XKR4: variants seen among roughly 807,000 people sequenced by gnomAD.
XKR4 encodes the protein XK related 4.
Under a neutral mutation model 53.9 loss-of-function variants are expected in XKR4, and 12 were observed. The ratio of observed to expected loss-of-function variants is 0.22; its 90% CI spans 0.14 to 0.36. The LOEUF is 0.36. Among genes scored for constraint, XKR4 ranks in the 10% least tolerant of loss-of-function variants. XKR4 has a pLI of 1.00. For missense variants in XKR4, 799 were observed against 859.5 expected (o/e 0.93, Z 0.88); for synonymous variants, 354 against 362.4 (o/e 0.98, Z 0.26).
chr8:55,485,993 A>C (rs1007923531), intron 2 of XKR4, among the ~76,000 whole-genome samples: 1 of 152,246 alleles, frequency 6.6e-6, no homozygotes, highest in Non-Finnish European at 1.5e-5. Context: ...AAGAAACATA[A>C]AACATGAAAG....
intron 1 of XKR4, among the ~76,000 whole-genome samples, chr8:55,328,752 G>C (rs1361655063): frequency 2.6e-5 from 4 of 152,126 alleles, no homozygotes; most frequent in African/African-American, 9.7e-5. Context: ...TTAGCCCCTT[G>C]TGCTTGCACT....
chr8:55,351,073 T>C (rs1803716986), intron 1 of XKR4, among the ~76,000 whole-genome samples: 1 of 152,172 alleles, frequency 6.6e-6, no homozygotes, highest in African/African-American at 2.4e-5. Flanking sequence ...AACGGACTTC[T>C]GAAGATGGGT....
intron 1 of XKR4, among the ~76,000 whole-genome samples, chr8:55,157,696 C>T (rs1816927276): frequency 6.6e-6 from 1 of 152,010 alleles, no homozygotes; most frequent in Admixed American, 6.6e-5. Context: ...TCAAGTAGGC[C>T]CCAATGTCTG....
intron 1 of XKR4, among the ~76,000 whole-genome samples, chr8:55,126,094 A>G (rs1384123653): frequency 6.6e-6 from 1 of 152,190 alleles, no homozygotes; most frequent in Non-Finnish European, 1.5e-5. Flanking sequence ...ACTGAAAGCT[A>G]CAGAAATAAA....
chr8:55,454,564 G>A, intron 2 of XKR4: 3 of 1,441,440 alleles, frequency 2.1e-6, no homozygotes, highest in East Asian at 2.5e-5. Flanking sequence ...CAGGGAGTCG[G>A]CCAGTGGAGT....
chr8:55,428,709 T>C (rs1441599955), intron 2 of XKR4, among the ~76,000 whole-genome samples: 1 of 152,224 alleles, frequency 6.6e-6, no homozygotes, highest in East Asian at 1.9e-4. Flanking sequence ...TACTTCAGTG[T>C]AGAGTCAGCA....
intron 2 of XKR4, among the ~76,000 whole-genome samples, chr8:55,491,970 C>T (rs1806278717): frequency 6.6e-6 from 1 of 152,194 alleles, no homozygotes; most frequent in Non-Finnish European, 1.5e-5. Context: ...TTTCTCTTTG[C>T]ACCACTCCCT....
chr8:55,247,747 C>A (rs920452574), intron 1 of XKR4, among the ~76,000 whole-genome samples: 1 of 152,120 alleles, frequency 6.6e-6, no homozygotes, highest in African/African-American at 2.4e-5. Flanking sequence ...AGTGCTTTAT[C>A]CTTTCTCTTA....
At chr8:55,142,040 GC>G (rs1358960387) in intron 1 of XKR4, 2 of 454,698 alleles carry the variant, frequency 4.4e-6, no homozygotes, top group Non-Finnish European at 8.8e-6. Flanking sequence ...TGAACTCAGA[GC>G]CCTGCCACCC....
chr8:55,431,575 G>T (rs934894472), intron 2 of XKR4, among the ~76,000 whole-genome samples: 3 of 152,142 alleles, frequency 2.0e-5, no homozygotes, highest in Non-Finnish European at 2.9e-5. Context: ...ATAAACCTGT[G>T]TTTATGTTAT....
At chr8:55,226,635 G>A (rs889219833) in intron 1 of XKR4, among the ~76,000 whole-genome samples, 2 of 149,042 alleles carry the variant, frequency 1.3e-5, no homozygotes, top group African/African-American at 4.9e-5. Context: ...GCCATCCAGT[G>A]TGACCTGTCC....
chr8:55,493,722 T>C (rs1806303229), intron 2 of XKR4, among the ~76,000 whole-genome samples: 1 of 152,218 alleles, frequency 6.6e-6, no homozygotes, highest in Non-Finnish European at 1.5e-5. Flanking sequence ...AGTCAACCTA[T>C]ATCTGGGCTA....
chr8:55,185,962 T>A (rs923375389), intron 1 of XKR4, among the ~76,000 whole-genome samples: 1 of 152,166 alleles, frequency 6.6e-6, no homozygotes, highest in Non-Finnish European at 1.5e-5. Flanking sequence ...CTAAAATTGA[T>A]CATAAAAAAT....
At chr8:55,450,048 T>A in intron 2 of XKR4, 1 of 775,854 alleles carries the variant, frequency 1.3e-6, no homozygotes, top group Non-Finnish European at 2.3e-6. Context: ...GGGTGCCACG[T>A]CCATCTGGCC....
intron 1 of XKR4, among the ~76,000 whole-genome samples, chr8:55,323,496 A>T (rs988172314): frequency 4.6e-5 from 7 of 152,180 alleles, no homozygotes; most frequent in African/African-American, 1.7e-4. Context: ...GAGATTTGAG[A>T]TTTAGCCATG....
intron 2 of XKR4, among the ~76,000 whole-genome samples, chr8:55,444,944 T>A (rs983774955): frequency 1.3e-5 from 2 of 152,234 alleles, no homozygotes; most frequent in Non-Finnish European, 2.9e-5. Context: ...GTCCATTGAT[T>A]GTAAAAAGGA....
At chr8:55,178,930 T>C (rs1220572029) in intron 1 of XKR4, among the ~76,000 whole-genome samples, 6 of 152,178 alleles carry the variant, frequency 3.9e-5, no homozygotes, top group Non-Finnish European at 7.3e-5. Context: ...GAATTCAGAA[T>C]GTTTACTTTT....
chr8:55,336,816 A>G (rs905767566), intron 1 of XKR4, among the ~76,000 whole-genome samples: 1 of 152,178 alleles, frequency 6.6e-6, no homozygotes, highest in African/African-American at 2.4e-5. Flanking sequence ...TTATTAAACC[A>G]TCAGCACCAT....
intron 1 of XKR4, among the ~76,000 whole-genome samples, chr8:55,259,746 AG>A (rs1474364730): frequency 6.6e-6 from 1 of 152,226 alleles, no homozygotes; most frequent in Non-Finnish European, 1.5e-5. Context: ...GAGAACCGAA[AG>A]GCTTATGCTA....
Sources: allele counts gnomAD v4.1 joint callset (sites outside exome capture counted in the v4.1 genomes callset), GRCh38; gene constraint gnomAD v4.1.1; transcripts MANE v1.5; gene names NCBI Gene and HGNC (gene_info 2026-07-23, HGNC 2026-07-21).